The following CEP126 variants were observed in gnomAD, a reference collection of about 807,000 sequenced individuals.
The protein encoded by CEP126 is centrosomal protein 126.
In CEP126, 74 loss-of-function variants were observed where a neutral mutation model predicts 107.8. That is an observed-to-expected ratio of 0.69 (90% CI 0.57 to 0.83). The LOEUF (loss-of-function observed/expected upper bound fraction) is 0.83, where lower values mean the gene tolerates loss of function less well. Among genes scored for constraint, CEP126 ranks in the 40% least tolerant of loss-of-function variants. The probability of loss-of-function intolerance (pLI) is 0.00; values close to 1 mark genes in which losing one functional copy is unlikely to be tolerated. For missense variants in CEP126, 1,237 were observed against 1,281.9 expected, an observed-to-expected ratio of 0.96 and a Z score of 0.53; for synonymous variants, 449 against 446.0, an observed-to-expected ratio of 1.01 and a Z score of -0.08.
At chr11:101,975,659 T>C (rs899957913) in intron 6 of CEP126, among the ~76,000 whole-genome samples, 1 of 152,188 alleles carries the variant, frequency 6.6e-6, no homozygotes, top group Admixed American at 6.5e-5. Context: ...TCACTAGGTT[T>C]TGGTGTACAG....
In CEP126 at chr11:102,000,881, C is replaced by CA. The variant is rs1941500833; in HGVS notation, c.*3238_*3239insA. On this transcript the variant is annotated 3_prime_UTR_variant, in exon 11 of 11. Transcript: ENST00000263468. ...GAACTTATTTTAAATCCATATTGTA[C>CA]CAGAATGACTATGTCTGTGTTTCTT... The CA allele has an allele frequency of 1.3e-5, 2 of 152,042 alleles. No individual in the cohort carries two copies. The highest frequency in any genetic ancestry group is 1.3e-4 in the Admixed American group (2 of 15,256). 9.4% of individuals were successfully genotyped at this position (152,042 alleles called of 1,614,324 possible).
In CEP126 at chr11:101,939,998, G is replaced by C. The variant is rs1462718896; in HGVS notation, c.249-4267G>C. ...TCAGTAATACATACCAGCTGACTAA[G>C]ATTCCTTCCTTACCTAACTAGATAA... On this transcript the variant is annotated intron_variant, in intron 2 of 10. Transcript: ENST00000263468. Among the ~76,000 whole-genome samples, 4 of 152,022 alleles carry C rather than the reference G, an allele frequency of 2.6e-5. No homozygotes were observed. The East Asian group carries it at 7.7e-4, about 29-fold the overall frequency.
chr11:101,939,009 A>T (rs1422260611), intron 2 of CEP126, among the ~76,000 whole-genome samples: 2 of 152,162 alleles, frequency 1.3e-5, no homozygotes, highest in Non-Finnish European at 2.9e-5. Context: ...TTTATGATGT[A>T]CTTGGGAAAA....
At chr11:101,960,068 T>A (rs1353237128) in intron 5 of CEP126, among the ~76,000 whole-genome samples, 1 of 152,124 alleles carries the variant, frequency 6.6e-6, no homozygotes, top group Admixed American at 6.5e-5. Context: ...GAAGGATAAG[T>A]GTATGCACAC....
chr11:101,950,200 G>A (rs952049482), intron 4 of CEP126, among the ~76,000 whole-genome samples: 1 of 152,176 alleles, frequency 6.6e-6, no homozygotes, highest in Non-Finnish European at 1.5e-5. Flanking sequence ...TAGTGGAGTG[G>A]TGGGGGCAGA....
At chr11:101,974,505 A>G (rs1941170796) in intron 6 of CEP126, among the ~76,000 whole-genome samples, 1 of 152,200 alleles carries the variant, frequency 6.6e-6, no homozygotes, top group South Asian at 2.1e-4. Context: ...CAGCAAAGGA[A>G]GAGGATGCCC....
intron 6 of CEP126, among the ~76,000 whole-genome samples, chr11:101,977,024 T>C (rs1053729603): frequency 2.0e-5 from 3 of 152,176 alleles, no homozygotes; most frequent in Non-Finnish European, 2.9e-5. Flanking sequence ...TACTAATATA[T>C]ACATTAAGAA....
intron 4 of CEP126, among the ~76,000 whole-genome samples, chr11:101,951,023 A>G (rs983918508): frequency 6.6e-6 from 1 of 152,190 alleles, no homozygotes; most frequent in African/African-American, 2.4e-5. Flanking sequence ...CAAGGGATAG[A>G]TCCTTACTGC....
chr11:101,952,486 T>C (rs1224918876), intron 4 of CEP126, among the ~76,000 whole-genome samples: 1 of 152,174 alleles, frequency 6.6e-6, no homozygotes, highest in African/African-American at 2.4e-5. Flanking sequence ...CAATATGCTT[T>C]GGTAACTGTT....
At chr11:101,974,887 A>T (rs1441303443) in intron 6 of CEP126, among the ~76,000 whole-genome samples, 1 of 152,256 alleles carries the variant, frequency 6.6e-6, no homozygotes, top group Admixed American at 6.5e-5. Flanking sequence ...CCACAAAACT[A>T]CAAAGAACAA....
At chr11:101,971,550 C>T (rs1279252648) in intron 6 of CEP126, among the ~76,000 whole-genome samples, 4 of 151,398 alleles carry the variant, frequency 2.6e-5, no homozygotes, top group South Asian at 4.2e-4. Flanking sequence ...GGAGGTGTTG[C>T]GTTGTTTTTG....
chr11:101,934,619 A>G (rs1487701795), intron 2 of CEP126, among the ~76,000 whole-genome samples: 2 of 152,044 alleles, frequency 1.3e-5, no homozygotes, highest in African/African-American at 4.8e-5. Flanking sequence ...TCTTGCAGTC[A>G]ATCTCTGCCC....
intron 10 of CEP126, among the ~76,000 whole-genome samples, chr11:101,994,515 C>A (rs1023130650): frequency 6.6e-6 from 1 of 152,126 alleles, no homozygotes; most frequent in Non-Finnish European, 1.5e-5. Flanking sequence ...TCATTTAAGT[C>A]TTTAATCCAT....
rs1489318060 is a variant in CEP126, at chr11:101,963,243, C to A, written c.2208C>A (p.Ile736=). The part of the protein sequence containing the change: ...WPASKKEESK[I]PVHDDSKTKQ... ...CCTCAAAAAAAGAAGAAAGTAAAATCCCTGTACATGATGATTCTAAAACTA... is the reference window on the plus strand; with the variant it reads ...CCTCAAAAAAAGAAGAAAGTAAAATACCTGTACATGATGATTCTAAAACTA... The change falls in exon 6 of 11, where the codon ATC becomes ATA. Residue 736 remains isoleucine, a synonymous_variant. Coordinates refer to ENST00000263468, the MANE Select transcript of CEP126 (RefSeq NM_020802.4). The A allele has an allele frequency of 6.2e-7, 1 of 1,613,792 alleles. No homozygotes were observed. Among genetic ancestry groups the A allele is most frequent in the Non-Finnish European group, 8.5e-7 (1 of 1,180,000 alleles).
At chr11:101,976,323 A>G (rs549152154) in intron 6 of CEP126, among the ~76,000 whole-genome samples, 1 of 152,276 alleles carries the variant, frequency 6.6e-6, no homozygotes, top group African/African-American at 2.4e-5. Flanking sequence ...CACTTGTCTA[A>G]TGATTAGTGA....
intron 4 of CEP126, among the ~76,000 whole-genome samples, chr11:101,950,517 A>T (rs1940797101): frequency 6.6e-6 from 1 of 152,240 alleles, no homozygotes. Flanking sequence ...CAATTACATT[A>T]TAATACTGTT....
rs769990793 is a variant in CEP126, at chr11:101,962,395, A to C, written c.1360A>C (p.Thr454Pro). Reference protein sequence around the residue: ...NQENGTTSIPTSCVPVATPLV... With the variant: ...NQENGTTSIPPSCVPVATPLV... ...AGAAAATGGAACTACTTCAATTCCTACTTCATGTGTACCAGTGGCAACGCC... is the reference window on the plus strand; with the variant it reads ...AGAAAATGGAACTACTTCAATTCCTCCTTCATGTGTACCAGTGGCAACGCC... Residue 454 changes from threonine to proline, a missense_variant, in exon 6 of 11, where the codon ACT becomes CCT. By Grantham distance (38) the Thr-to-Pro change is conservative. Around this residue, in one of 3 missense-constraint regions of CEP126, gnomAD observed 1,134 missense variants for 1,150.5 expected, o/e 0.99. Coordinates refer to ENST00000263468, the MANE Select transcript of CEP126 (RefSeq NM_020802.4). The C allele has an allele frequency of 6.2e-7, 1 of 1,613,818 alleles. No individual in the cohort carries two copies. The highest frequency in any genetic ancestry group is 1.3e-5 in the African/African-American group (1 of 74,938).
chr11:101,964,454 C>T (rs944949684), intron 6 of CEP126, among the ~76,000 whole-genome samples: 2 of 151,002 alleles, frequency 1.3e-5, no homozygotes, highest in African/African-American at 4.9e-5. Flanking sequence ...GCCAACGTGA[C>T]GAAACCCTGT....
intron 2 of CEP126, among the ~76,000 whole-genome samples, chr11:101,930,724 T>G (rs1940486696): frequency 6.6e-6 from 1 of 152,208 alleles, no homozygotes; most frequent in African/African-American, 2.4e-5. Context: ...GAATGCTGAT[T>G]GGGGCATTAC....
Sources: gnomAD v4.1 joint callset for allele counts (sites outside exome capture counted in the v4.1 genomes callset) on GRCh38, gnomAD v4.1.1 for gene constraint, gnomAD v4.1.1 regional missense constraint, MANE v1.5 for transcripts, NCBI Gene and HGNC (gene_info 2026-07-23, HGNC 2026-07-21) for gene names.